The following ERBB4 variants were observed in gnomAD, a reference collection of about 807,000 sequenced individuals.
ERBB4 encodes the protein erb-b2 receptor tyrosine kinase 4.
Under a neutral mutation model 158.0 loss-of-function variants are expected in ERBB4, and 42 were observed. The observed-to-expected ratio is 0.27, with a 90% CI of 0.21 to 0.34. The LOEUF (loss-of-function observed/expected upper bound fraction) is 0.34, where lower values mean the gene tolerates loss of function less well. Ranked by LOEUF, ERBB4 falls within the 10% of genes least tolerant of loss-of-function variation. The pLI is 1.00. For synonymous variants in ERBB4, 583 were observed against 558.7 expected, an observed-to-expected ratio of 1.04 and a Z score of -0.61; for missense variants, 1,333 against 1,624.1, an observed-to-expected ratio of 0.82 and a Z score of 3.08.
At chr2:211,948,602 T>C (rs1018062365) in intron 2 of ERBB4, among the ~76,000 whole-genome samples, 1 of 151,988 alleles carries the variant, frequency 6.6e-6, no homozygotes, top group Non-Finnish European at 1.5e-5. Context: ...ATGAAGAAAG[T>C]CTGAGTTTCA....
At chr2:212,028,494 T>C (rs10932414) in intron 2 of ERBB4, among the ~76,000 whole-genome samples, 131,074 of 152,084 alleles carry the variant, frequency 0.86, 57,643 homozygotes, top group East Asian at 1. Context: ...GCAATGGAAA[T>C]TGGATTAAAA....
intron 1 of ERBB4, among the ~76,000 whole-genome samples, chr2:212,316,419 G>A (rs1322498281): frequency 6.6e-6 from 1 of 151,474 alleles, no homozygotes; most frequent in African/African-American, 2.4e-5. Flanking sequence ...TGATGGCTAT[G>A]CTTTTGCAGA....
intron 1 of ERBB4, among the ~76,000 whole-genome samples, chr2:212,373,750 C>CACATATATATCCAT (rs2090167592): frequency 7.3e-6 from 1 of 136,452 alleles, no homozygotes; most frequent in Non-Finnish European, 1.6e-5. Flanking sequence ...TATATATATC[C>CACATATATATCCAT]ATGTATATAT....
At chr2:212,293,847 C>CAAAAAAAAAAAAAAAAAA (rs1201724620) in intron 1 of ERBB4, among the ~76,000 whole-genome samples, 1 of 63,784 alleles carries the variant, frequency 1.6e-5, no homozygotes, top group Non-Finnish European at 2.5e-5. Context: ...GACTCTGTCT[C>CAAAAAAAAAAAAAAAAAA]AAAAAAAAAA....
intron 1 of ERBB4, among the ~76,000 whole-genome samples, chr2:212,263,217 C>A (rs928001643): frequency 6.6e-6 from 1 of 152,062 alleles, no homozygotes; most frequent in Non-Finnish European, 1.5e-5. Flanking sequence ...TGCTTGAGAG[C>A]TTCCAAAGGA....
chr2:211,491,279 T>G (rs958520384), intron 20 of ERBB4, among the ~76,000 whole-genome samples: 5 of 152,098 alleles, frequency 3.3e-5, no homozygotes, highest in East Asian at 3.9e-4. Context: ...GCAATCATTT[T>G]GTTTCATGGA....
At chr2:211,760,379 C>T (rs1254204383) in intron 4 of ERBB4, among the ~76,000 whole-genome samples, 1 of 152,176 alleles carries the variant, frequency 6.6e-6, no homozygotes, top group Non-Finnish European at 1.5e-5. Context: ...GTTTGAAATA[C>T]ACTTATCATA....
At chr2:211,531,937 G>T (rs959485671) in intron 20 of ERBB4, among the ~76,000 whole-genome samples, 1 of 152,018 alleles carries the variant, frequency 6.6e-6, no homozygotes, top group African/African-American at 2.4e-5. Context: ...AATGGATAAA[G>T]AAAATCTGGT....
intron 2 of ERBB4, among the ~76,000 whole-genome samples, chr2:211,955,263 T>C (rs530483620): frequency 6.6e-6 from 1 of 152,084 alleles, no homozygotes; most frequent in Non-Finnish European, 1.5e-5. Flanking sequence ...ATTTCACTCA[T>C]CACTGGCCGC....
At chr2:211,480,679 T>A (rs966520437) in intron 20 of ERBB4, among the ~76,000 whole-genome samples, 1 of 152,172 alleles carries the variant, frequency 6.6e-6, no homozygotes, top group Admixed American at 6.5e-5. Flanking sequence ...AATCTGGTGT[T>A]CCAGTGTTGC....
rs2080437644 is a variant in ERBB4, at chr2:211,939,853, A to C, written c.421+7577T>G. Among the ~76,000 whole-genome samples the C allele has an allele frequency of 5.3e-5, 8 of 152,008 alleles. No homozygotes were observed. In the South Asian group the frequency reaches 1.7e-3, roughly 32 times the overall value. On this transcript the variant is annotated intron_variant, in intron 3 of 27. Coordinates refer to ENST00000342788, the MANE Select transcript of ERBB4 (RefSeq NM_005235.3). ...TCCCAGCTACTTGGGAGGTTGAGGC[A>C]GGAGAATGGCATGAACCCGGGAGGT...
At position 211,383,730 on chromosome 2, in the gene ERBB4, T is replaced by G. The variant is rs2062621495; in HGVS notation, c.3812A>C (p.Asn1271Thr). 1 of 1,613,920 alleles carries G rather than the reference T, an allele frequency of 6.2e-7. No individual in the cohort carries two copies. Among genetic ancestry groups the G allele is most frequent in the Non-Finnish European group, 8.5e-7 (1 of 1,179,890 alleles). ...TGCCACAATAGGCCGGATCCGCCCA[T>G]TCTGTTTATAAAAATATTTTGTGCT... ...EYSTKYFYKQNGRIRPIVAEN... is the reference protein window; with the variant it reads ...EYSTKYFYKQTGRIRPIVAEN... The change falls in exon 28 of 28, where the codon AAT becomes ACT. Residue 1271 changes from asparagine (N) to threonine (T), a missense_variant. Transcript: ENST00000342788.
chr2:211,656,994 C>G (rs557715887), intron 16 of ERBB4, among the ~76,000 whole-genome samples: 5 of 152,124 alleles, frequency 3.3e-5, no homozygotes, highest in African/African-American at 1.2e-4. Flanking sequence ...TTTACCTGCA[C>G]AAAATATTTT....
intron 20 of ERBB4, among the ~76,000 whole-genome samples, chr2:211,486,793 T>C (rs2065214973): frequency 6.6e-6 from 1 of 152,068 alleles, no homozygotes; most frequent in African/African-American, 2.4e-5. Flanking sequence ...TTAAATATGT[T>C]ACAATATGTG....
chr2:212,174,280 G>T (rs1475599134), intron 1 of ERBB4, among the ~76,000 whole-genome samples: 1 of 152,084 alleles, frequency 6.6e-6, no homozygotes, highest in African/African-American at 2.4e-5. Context: ...AATTATGGCA[G>T]ATGTTTATTA....
intron 1 of ERBB4, among the ~76,000 whole-genome samples, chr2:212,142,675 T>C (rs1225558207): frequency 6.7e-6 from 1 of 150,004 alleles, no homozygotes; most frequent in African/African-American, 2.4e-5. Flanking sequence ...AATATAGAAA[T>C]ACAGAGAACA....
Position 211,979,133 on chromosome 2 carries a change from C to G in ERBB4, c.235-31517G>C, listed in dbSNP as rs115401686. Among the ~76,000 whole-genome samples, 1,144 of 152,224 alleles carry G rather than the reference C, an allele frequency of 7.5e-3. 14 individuals are homozygous for G. Among genetic ancestry groups the G allele is most frequent in the African/African-American group, 0.025 (1,053 of 41,524 alleles). On this transcript the variant is annotated intron_variant, in intron 2 of 27. Coordinates refer to ENST00000342788, the MANE Select transcript of ERBB4 (RefSeq NM_005235.3). ...ACCACGGAAACACAATAGACCAAAA[C>G]AAACAAACAAAAACCATCTCTCCAC...
intron 1 of ERBB4, among the ~76,000 whole-genome samples, chr2:212,256,294 T>C (rs1429583748): frequency 6.6e-6 from 1 of 152,166 alleles, no homozygotes; most frequent in African/African-American, 2.4e-5. Flanking sequence ...TTTATTAACA[T>C]AATATAAAGC....
At chr2:211,541,614 C>T (rs903685288) in intron 20 of ERBB4, among the ~76,000 whole-genome samples, 2 of 152,018 alleles carry the variant, frequency 1.3e-5, no homozygotes, top group African/African-American at 2.4e-5. Context: ...CTCCATAATA[C>T]AGGTGTTCTT....
Sources: gnomAD v4.1 joint callset for allele counts (sites outside exome capture counted in the v4.1 genomes callset) on GRCh38, gnomAD v4.1.1 for gene constraint, MANE v1.5 for transcripts, NCBI Gene and HGNC (gene_info 2026-07-23, HGNC 2026-07-21) for gene names.